The following RALGAPA2 variants were observed in gnomAD, a reference collection of about 807,000 sequenced individuals.
RALGAPA2 encodes the protein Ral GTPase activating protein catalytic subunit alpha 2, also known as ral GTPase-activating protein subunit alpha-2.
RALGAPA2 carries 139 observed loss-of-function variants against 230.4 expected under a neutral mutation model. The observed-to-expected ratio is 0.60, with a 90% CI of 0.53 to 0.69. The LOEUF is 0.69. Ranked by LOEUF, RALGAPA2 falls within the 30% of genes least tolerant of loss-of-function variation. The pLI is 0.00. For synonymous variants in RALGAPA2, 847 were observed against 837.8 expected (o/e 1.01, Z -0.19); for missense variants, 2,163 against 2,276.0 (o/e 0.95, Z 1.01).
intron 1 of RALGAPA2, among the ~76,000 whole-genome samples, chr20:20,684,573 T>C (rs1284458186): frequency 6.6e-6 from 1 of 152,122 alleles, no homozygotes; most frequent in African/African-American, 2.4e-5. Context: ...ACAAGACAAC[T>C]AGATACATTC....
chr20:20,547,198 T>C (rs1352077324), intron 23 of RALGAPA2, among the ~76,000 whole-genome samples: 2 of 152,232 alleles, frequency 1.3e-5, no homozygotes, highest in African/African-American at 2.4e-5. Flanking sequence ...GTCCTGTCTT[T>C]AGCTTTCAAT....
At chr20:20,477,084 G>A (rs1225224234) in intron 36 of RALGAPA2, among the ~76,000 whole-genome samples, 1 of 152,170 alleles carries the variant, frequency 6.6e-6, no homozygotes, top group Non-Finnish European at 1.5e-5. Context: ...TTGAGATGGG[G>A]CACGAGCAAG....
At position 20,501,309 on chromosome 20, in the gene RALGAPA2, G is replaced by T. The variant is rs180825786; in HGVS notation, c.5208+2042C>A. Among the ~76,000 whole-genome samples the T allele has an allele frequency of 9.3e-4, 141 of 152,352 alleles. 1 individual carries two copies. The highest frequency in any genetic ancestry group is 3.3e-3 in the African/African-American group (136 of 41,574). ...CACTGAAAATCTGTTGTTTAGTGTA[G>T]CCACCTCCATCAGTGATCTTAGTTA... On this transcript the variant is annotated intron_variant, in intron 35 of 39. Transcript: ENST00000202677.
At chr20:20,519,911 G>A (rs982486643) in intron 31 of RALGAPA2, among the ~76,000 whole-genome samples, 3 of 151,504 alleles carry the variant, frequency 2.0e-5, no homozygotes, top group Admixed American at 2.0e-4. Context: ...TCACTCTGTC[G>A]CTCAAGCTAG....
chr20:20,438,264 C>T (rs1294105256), intron 37 of RALGAPA2, among the ~76,000 whole-genome samples: 2 of 152,170 alleles, frequency 1.3e-5, no homozygotes, highest in South Asian at 2.1e-4. Flanking sequence ...CTGCTCATTA[C>T]TGCTTCAAAA....
intron 36 of RALGAPA2, among the ~76,000 whole-genome samples, chr20:20,486,008 G>C (rs570944115): frequency 1.3e-5 from 2 of 152,088 alleles, no homozygotes; most frequent in African/African-American, 4.8e-5. Context: ...GCATGGTGGT[G>C]TGTGCCTGTA....
chr20:20,600,216 A>C (rs2065595314), intron 16 of RALGAPA2, among the ~76,000 whole-genome samples: 1 of 152,166 alleles, frequency 6.6e-6, no homozygotes. Flanking sequence ...GAATCGCTTG[A>C]ACCTGGGAGG....
chr20:20,548,125 C>CA (rs2063823798), intron 23 of RALGAPA2, among the ~76,000 whole-genome samples: 2 of 148,004 alleles, frequency 1.4e-5, no homozygotes, highest in African/African-American at 4.9e-5. Context: ...AGCAAAATCT[C>CA]CACACACACA....
chr20:20,526,289 T>C lies in RALGAPA2; in HGVS notation c.3656A>G (p.Gln1219Arg). The part of the protein sequence containing the change: ...QLLVSYWEKL[Q>R]MFETSLPRKM... ...CCGAGGCAGAGAGGTTTCAAACATC[T>C]GAAGCTTCTCCCAGTAGGAAACCAG... Residue 1219 changes from glutamine to arginine, a missense_variant, in exon 28 of 40, where the codon CAG (glutamine) becomes CGG (arginine). Physicochemically the swap from Gln to Arg is conservative, Grantham distance 43. Coordinates refer to ENST00000202677, the MANE Select transcript of RALGAPA2 (RefSeq NM_020343.4). 4.3e-6 allele frequency: 7 copies of C among 1,609,196 alleles called. No homozygotes were observed. The highest frequency in any genetic ancestry group is 1.7e-5 in the Admixed American group (1 of 59,126).
rs1348499106 is a variant in RALGAPA2 at position 20,712,135 on chromosome 20, C to T, written c.106+240G>A. 6.6e-6 allele frequency among the ~76,000 whole-genome samples: 1 copy of T among 152,088 alleles called. No homozygotes were observed. The highest frequency in any genetic ancestry group is 1.5e-5 in the Non-Finnish European group (1 of 68,022). On this transcript the variant is annotated intron_variant, in intron 1 of 39. Transcript: ENST00000202677. This position sits in a 1 kb window ranked among gnomAD's most constrained non-coding sequence, Gnocchi z 5.5. ...TCCAGGTTCTCCGGGAGCGCAGGCG[C>T]CCAGCGAGAATCTGGGCTAAGTTTA...
chr20:20,678,286 C>T (rs1368094003), intron 2 of RALGAPA2, among the ~76,000 whole-genome samples: 2 of 152,100 alleles, frequency 1.3e-5, no homozygotes, highest in Admixed American at 6.5e-5. Flanking sequence ...ACAGATTATA[C>T]TAAAAGCAAA....
chr20:20,400,987 A>G (rs1267572862), intron 38 of RALGAPA2, among the ~76,000 whole-genome samples: 2 of 152,230 alleles, frequency 1.3e-5, no homozygotes, highest in Non-Finnish European at 2.9e-5. Flanking sequence ...AGGTCCATAG[A>G]CACAAAAAGT....
chr20:20,581,965 A>T (rs79412995), intron 20 of RALGAPA2, among the ~76,000 whole-genome samples: 11 of 152,160 alleles, frequency 7.2e-5, no homozygotes, highest in African/African-American at 2.4e-4. Flanking sequence ...GTGTGTGAAC[A>T]TGAATGTGCA....
At chr20:20,438,998 A>T (rs1387491679) in intron 37 of RALGAPA2, among the ~76,000 whole-genome samples, 1 of 152,184 alleles carries the variant, frequency 6.6e-6, no homozygotes, top group Non-Finnish European at 1.5e-5. Context: ...AAGCACATTC[A>T]TTAGGCCACT....
At chr20:20,619,524 C>T (rs1275238077) in intron 11 of RALGAPA2, 110 bp from the exon 12 acceptor site, 22 of 880,156 alleles carry the variant, frequency 2.5e-5, no homozygotes, top group African/African-American at 7.1e-5. Context: ...ATTTAGTTGG[C>T]ATATTTAATT....
Position 20,712,337 on chromosome 20 carries a change from C to G in RALGAPA2, c.106+38G>C, listed in dbSNP as rs756930824. ...GCGCCCTCCCGGCAGGTGCCCCTAA[C>G]CCGGCGCCCCGACCCCCGCGCCCGG... On this transcript the variant is annotated intron_variant, in intron 1 of 39. Coordinates refer to ENST00000202677, the MANE Select transcript of RALGAPA2 (RefSeq NM_020343.4). The surrounding 1 kb of genome is among the most constrained non-coding windows in gnomAD (Gnocchi z 5.5). The G allele has an allele frequency of 2.8e-6, 4 of 1,426,148 alleles. No individual in the cohort carries two copies. The highest frequency in any genetic ancestry group is 3.7e-6 in the Non-Finnish European group (4 of 1,070,124). The allele number at this position is 1,426,148 out of a possible 1,614,324, so 88.3% of individuals were successfully genotyped here. A position where few individuals can be genotyped will look rare whatever the true frequency, so the allele number is the denominator to read the frequency against.
chr20:20,545,834 G>C (rs2063761360), intron 24 of RALGAPA2, among the ~76,000 whole-genome samples: 1 of 152,196 alleles, frequency 6.6e-6, no homozygotes, highest in South Asian at 2.1e-4. Context: ...GGAGGCTGAG[G>C]CAGGAGGATC....
At chr20:20,429,759 G>A (rs754505643) in intron 37 of RALGAPA2, among the ~76,000 whole-genome samples, 17 of 152,162 alleles carry the variant, frequency 1.1e-4, no homozygotes, top group East Asian at 3.8e-4. Flanking sequence ...AGCGTCTCAC[G>A]GTAAAGGCCT....
intron 38 of RALGAPA2, among the ~76,000 whole-genome samples, chr20:20,401,069 A>T (rs1166492239): frequency 6.6e-6 from 1 of 152,206 alleles, no homozygotes; most frequent in African/African-American, 2.4e-5. Context: ...GCTGTTTAAA[A>T]GGGGGGATGA....
Sources: gnomAD v4.1 joint callset for allele counts (sites outside exome capture counted in the v4.1 genomes callset) on GRCh38, gnomAD v4.1.1 for gene constraint, Gnocchi (gnomAD v3.1) non-coding constraint, MANE v1.5 for transcripts, NCBI Gene and HGNC (gene_info 2026-07-23, HGNC 2026-07-21) for gene names.